HDAC8: variants seen among roughly 807,000 people sequenced by gnomAD.
HDAC8 encodes histone deacetylase-like 1.
In HDAC8, 1 loss-of-function variant was observed where a neutral mutation model predicts 32.2. The observed-to-expected ratio is 0.03, with a 90% CI of 0.01 to 0.15. HDAC8 has a LOEUF of 0.15. Ranked by LOEUF, HDAC8 falls within the 10% of genes least tolerant of loss-of-function variation. HDAC8 has a pLI of 1.00. For synonymous variants in HDAC8, 108 were observed against 113.9 expected, an observed-to-expected ratio of 0.95 and a Z score of 0.33; for missense variants, 117 against 300.0, an observed-to-expected ratio of 0.39 and a Z score of 4.51.
At position 72,473,590 on chromosome X, in the gene HDAC8, T is replaced by A. The variant is rs72630046; in HGVS notation, c.738-8859A>T. On this transcript the variant is annotated intron_variant, in intron 7 of 10. Coordinates refer to ENST00000373573, the MANE Select transcript of HDAC8 (RefSeq NM_018486.3). Reference sequence around the variant, plus strand: ...AAATCTGTACAAAATCACACAGCTATTAAGTGGCAGAGCTGGTTTTTGAAC... The same window carrying A: ...AAATCTGTACAAAATCACACAGCTAATAAGTGGCAGAGCTGGTTTTTGAAC... The A allele has an allele frequency of 0.024, 12,150 of 499,132 alleles. 1,515 individuals carry two copies. In the East Asian group the frequency reaches 0.72, roughly 29 times the overall value. 41.1% of individuals were successfully genotyped at this position (499,132 alleles called of 1,213,427 possible). A position where few individuals can be genotyped will look rare whatever the true frequency, so the allele number is the denominator to read the frequency against.
At chrX:72,455,198 G>T (rs2047687215) in intron 9 of HDAC8, among the ~76,000 whole-genome samples, 1 of 111,776 alleles carries the variant, frequency 8.9e-6, no homozygotes, top group Admixed American at 9.5e-5. Context: ...AGCAATGGTG[G>T]GTAAAACTGC....
At chrX:72,409,978 T>G (rs1405391143) in intron 9 of HDAC8, among the ~76,000 whole-genome samples, 1 of 112,379 alleles carries the variant, frequency 8.9e-6, no homozygotes, top group African/African-American at 3.2e-5. Context: ...TCAGGACAAA[T>G]ATCTAACTGT....
intron 4 of HDAC8, among the ~76,000 whole-genome samples, chrX:72,564,032 C>T (rs1002892289): frequency 2.7e-5 from 3 of 110,823 alleles, no homozygotes; most frequent in Non-Finnish European, 3.8e-5. Context: ...TGGTGGCACG[C>T]GCCTGTAATC....
At chrX:72,471,811 CTT>C (rs1220707016) in intron 7 of HDAC8, among the ~76,000 whole-genome samples, 1 of 111,658 alleles carries the variant, frequency 9.0e-6, no homozygotes, top group Non-Finnish European at 1.9e-5. Context: ...TTTGCACTCT[CTT>C]GATAGTGTCC....
At chrX:72,566,218 GGA>G (rs782622246) in intron 4 of HDAC8, among the ~76,000 whole-genome samples, 1 of 111,157 alleles carries the variant, frequency 9.0e-6, no homozygotes, top group East Asian at 2.8e-4. Flanking sequence ...CAGCACCTTG[GGA>G]GGCTGAGGAT....
intron 9 of HDAC8, among the ~76,000 whole-genome samples, chrX:72,403,367 CTT>C (rs1491149533): frequency 2.7e-5 from 3 of 111,828 alleles, no homozygotes; most frequent in Non-Finnish European, 5.6e-5. Context: ...CTAGTATCTA[CTT>C]CAGATTTATA....
intron 5 of HDAC8, among the ~76,000 whole-genome samples, chrX:72,493,024 G>T (rs1377161198): frequency 8.9e-6 from 1 of 111,782 alleles, no homozygotes; most frequent in African/African-American, 3.3e-5. Context: ...TACGGGACTT[G>T]AGAGGAGGGA....
At chrX:72,475,626 G>C (rs1556000164) in intron 7 of HDAC8, among the ~76,000 whole-genome samples, 9 of 111,956 alleles carry the variant, frequency 8.0e-5, no homozygotes, top group Non-Finnish European at 1.9e-5. Flanking sequence ...CTGCCTTGCA[G>C]TGAGCATGAT....
At chrX:72,538,436 G>A (rs782191092) in intron 4 of HDAC8, among the ~76,000 whole-genome samples, 1 of 110,608 alleles carries the variant, frequency 9.0e-6, no homozygotes, top group African/African-American at 3.3e-5. Context: ...CACCCACCTC[G>A]GCCTCCCAAA....
chrX:72,514,557 C>G (rs1048950291), intron 4 of HDAC8, among the ~76,000 whole-genome samples: 8 of 112,171 alleles, frequency 7.1e-5, no homozygotes, highest in Non-Finnish European at 1.5e-4. Context: ...ATAAAACAAA[C>G]AAAATCAGCT....
rs71982796 is a variant in HDAC8 at position 72,498,166 on chromosome X, C to CAA, written c.438-2900_438-2899dup. Among the ~76,000 whole-genome samples the CAA allele has an allele frequency of 2.8e-3, 141 of 50,799 alleles. 1 individual carries two copies. Among genetic ancestry groups the CAA allele is most frequent in the African/African-American group, 3.8e-3 (76 of 20,200 alleles). 44.1% of individuals were successfully genotyped at this position (50,799 alleles called of 115,157 possible). ...TTTGGTTTCCTCACTGTTAAAATGG[C>CAA]AAAAAAAAAAAAAAAAAAGATTTGT... On this transcript the variant is annotated intron_variant, in intron 4 of 10. Coordinates refer to ENST00000373573, the MANE Select transcript of HDAC8 (RefSeq NM_018486.3).
In HDAC8 at chrX:72,391,088, T is replaced by C. The variant is rs139937190; in HGVS notation, c.1006-39250A>G. Among the ~76,000 whole-genome samples, 151 of 112,151 alleles carry C rather than the reference T, an allele frequency of 1.3e-3. 1 individual carries two copies. The East Asian group carries it at 0.034, about 25-fold the overall frequency. Reference sequence around the variant, plus strand: ...ACTATAAAATTTAAAATGTGAGGTGTACCTGTATTAGCCAGTATCACTAAA... The same window carrying C: ...ACTATAAAATTTAAAATGTGAGGTGCACCTGTATTAGCCAGTATCACTAAA... On this transcript the variant is annotated intron_variant, in intron 9 of 10. Coordinates refer to ENST00000373573, the MANE Select transcript of HDAC8 (RefSeq NM_018486.3).
At chrX:72,360,966 G>C (rs1181985507) in intron 9 of HDAC8, among the ~76,000 whole-genome samples, 6 of 111,919 alleles carry the variant, frequency 5.4e-5, no homozygotes, top group African/African-American at 1.9e-4. Context: ...CATCAAAAGC[G>C]CTTGTGAGCA....
intron 9 of HDAC8, among the ~76,000 whole-genome samples, chrX:72,440,527 A>G (rs1435587736): frequency 1.8e-5 from 2 of 112,362 alleles, no homozygotes; most frequent in Non-Finnish European, 3.8e-5. Flanking sequence ...AAAAAAATCA[A>G]TGAATCCATG....
intron 4 of HDAC8, among the ~76,000 whole-genome samples, chrX:72,502,278 C>A (rs1433943151): frequency 8.9e-6 from 1 of 111,762 alleles, no homozygotes; most frequent in Non-Finnish European, 1.9e-5. Context: ...TGTGTATATA[C>A]CAAGAGGAAT....
intron 9 of HDAC8, among the ~76,000 whole-genome samples, chrX:72,352,577 G>T (rs1569235070): frequency 9.0e-6 from 1 of 111,581 alleles, no homozygotes; most frequent in Non-Finnish European, 1.9e-5. Context: ...TCATTTCCTT[G>T]GTCCCCACAG....
intron 4 of HDAC8, among the ~76,000 whole-genome samples, chrX:72,557,487 T>G (rs1373228346): frequency 9.0e-6 from 1 of 111,652 alleles, no homozygotes. Flanking sequence ...GGGTCAACAA[T>G]GAAATCAAGA....
intron 4 of HDAC8, among the ~76,000 whole-genome samples, chrX:72,546,805 C>T (rs376827814): frequency 9.0e-6 from 1 of 111,332 alleles, no homozygotes. Context: ...TCCTTTACCA[C>T]ACTCATTCTT....
At chrX:72,552,645 T>C (rs1405767688) in intron 4 of HDAC8, among the ~76,000 whole-genome samples, 1 of 107,374 alleles carries the variant, frequency 9.3e-6, no homozygotes, top group Non-Finnish European at 1.9e-5. Flanking sequence ...CTAGGTGTGG[T>C]GGTGTGTGGC....
Sources: gnomAD v4.1 joint callset for allele counts (sites outside exome capture counted in the v4.1 genomes callset) on GRCh38, gnomAD v4.1.1 for gene constraint, MANE v1.5 for transcripts, NCBI Gene and HGNC (gene_info 2026-07-23, HGNC 2026-07-21) for gene names.